The following FGD6 variants were observed in gnomAD, a reference collection of about 807,000 sequenced individuals.
FGD6 encodes FYVE, RhoGEF and PH domain containing 6.
FGD6 carries 90 observed loss-of-function variants against 149.4 expected under a neutral mutation model. The ratio of observed to expected loss-of-function variants is 0.60; its 90% CI spans 0.51 to 0.72. FGD6 has a LOEUF of 0.72. FGD6 is among the 30% of genes least tolerant of loss of function. The pLI is 0.00. For synonymous variants in FGD6, 527 were observed against 584.0 expected (o/e 0.90, Z 1.41); for missense variants, 1,437 against 1,684.8 (o/e 0.85, Z 2.57).
chr12:95,096,389 A>G (rs1282731026), intron 14 of FGD6, among the ~76,000 whole-genome samples: 2 of 152,234 alleles, frequency 1.3e-5, no homozygotes, highest in Middle Eastern at 3.2e-3. Context: ...AAAAAGGTAG[A>G]GATCCACTTT....
At chr12:95,159,625 CA>C (rs1162286637) in intron 3 of FGD6, among the ~76,000 whole-genome samples, 1 of 152,118 alleles carries the variant, frequency 6.6e-6, no homozygotes, top group East Asian at 1.9e-4. Flanking sequence ...ATTGCTTGAA[CA>C]CAGGAGTTCG....
Position 95,208,838 on chromosome 12 carries a change from G to C in FGD6, c.2441+5C>G. ...ATGCAAAAGTGTCTGTCTGGCACCT[G>C]TTACCTGGAATGCTGATGTCTGGGT... On this transcript the variant is annotated splice_donor_5th_base_variant and intron_variant, in intron 2 of 20. Coordinates refer to ENST00000343958, the MANE Select transcript of FGD6 (RefSeq NM_018351.4). 1.9e-6 allele frequency: 3 copies of C among 1,608,392 alleles called. No homozygotes were observed. Among genetic ancestry groups the C allele is most frequent in the Non-Finnish European group, 2.5e-6 (3 of 1,176,700 alleles).
intron 1 of FGD6, among the ~76,000 whole-genome samples, chr12:95,211,576 G>C (rs901882592): frequency 2.2e-5 from 3 of 138,978 alleles, no homozygotes; most frequent in African/African-American, 8.1e-5. Flanking sequence ...GTCTTGCCCT[G>C]TCGCCCAGGC....
At chr12:95,116,851 G>T (rs1315193926) in intron 8 of FGD6, 1 of 455,936 alleles carries the variant, frequency 2.2e-6, no homozygotes, top group South Asian at 1.5e-5. Context: ...GGCAAAGAGA[G>T]CAGGGCCTGG....
In FGD6 at chr12:95,209,657, G is replaced by A; in HGVS notation, c.1627C>T (p.His543Tyr). The A allele has an allele frequency of 6.2e-7, 1 of 1,613,278 alleles. No individual in the cohort carries two copies. The highest frequency in any genetic ancestry group is 8.5e-7 in the Non-Finnish European group (1 of 1,179,864). ...EKSLERNHLQ[H>Y]LCAQNRGVSS... ...ACACCACGGTTTTGGGCACACAAATGCTGAAGGTGATTTCTTTCTAGACTC... is the reference window on the plus strand; with the variant it reads ...ACACCACGGTTTTGGGCACACAAATACTGAAGGTGATTTCTTTCTAGACTC... Residue 543 changes from histidine (H) to tyrosine (Y), a missense_variant, in exon 2 of 21, where the codon CAT (histidine) becomes TAT (tyrosine). Around this residue, in one of 2 missense-constraint regions of FGD6, gnomAD observed 1,055 missense variants for 1,146.0 expected, o/e 0.92. Transcript: ENST00000343958.
At chr12:95,114,971 T>G (rs894468747) in intron 8 of FGD6, among the ~76,000 whole-genome samples, 5 of 152,148 alleles carry the variant, frequency 3.3e-5, no homozygotes, top group Non-Finnish European at 7.3e-5. Flanking sequence ...CTCCATCCCT[T>G]CCTCTGTCTC....
chr12:95,158,450 G>C (rs955760852), intron 3 of FGD6, among the ~76,000 whole-genome samples: 1 of 151,644 alleles, frequency 6.6e-6, no homozygotes, highest in African/African-American at 2.4e-5. Flanking sequence ...GCTGGGATTA[G>C]AGGCATGATC....
chr12:95,119,251 T>G (rs565385601), intron 8 of FGD6, among the ~76,000 whole-genome samples: 1 of 152,210 alleles, frequency 6.6e-6, no homozygotes. Context: ...TGAACCAGAA[T>G]GAAAACTGTA....
rs1183807229 is a variant in FGD6 at position 95,148,672 on chromosome 12, CAT to C, written c.2685+4137_2685+4138del. On this transcript the variant is annotated intron_variant, in intron 5 of 20. Transcript: ENST00000343958. ...ATATTATATATTATATAATACATAG[CAT>C]ATGTTATATTATATATATTATATAT... 2.8e-4 allele frequency among the ~76,000 whole-genome samples: 31 copies of C among 108,940 alleles called. 1 individual carries two copies. Among genetic ancestry groups the C allele is most frequent in the Non-Finnish European group, 3.9e-4 (23 of 58,894 alleles). The allele number at this position is 108,940 out of a possible 152,430, so 71.5% of individuals were successfully genotyped here.
intron 8 of FGD6, chr12:95,117,017 C>T (rs181222048): frequency 1.7e-4 from 72 of 428,140 alleles, no homozygotes; most frequent in African/African-American, 1.4e-3. Flanking sequence ...CAGACAGACA[C>T]GCCTATATTG....
In FGD6 at chr12:95,080,802, T is replaced by C. The variant is rs1877650079; in HGVS notation, c.*718A>G. 6.6e-6 allele frequency: 1 copy of C among 152,098 alleles called. No homozygotes were observed. The highest frequency in any genetic ancestry group is 2.1e-4 in the South Asian group (1 of 4,822). 9.4% of individuals were successfully genotyped at this position (152,098 alleles called of 1,614,324 possible). ...AGATTGGACTTAAAAGCCGGAAGAGTTGGTTATTTGTGGTATTCTGCAAAT... is the reference window on the plus strand; with the variant it reads ...AGATTGGACTTAAAAGCCGGAAGAGCTGGTTATTTGTGGTATTCTGCAAAT... On this transcript the variant is annotated 3_prime_UTR_variant, in exon 21 of 21. Transcript: ENST00000343958.
At chr12:95,143,280 T>C (rs1879907052) in intron 5 of FGD6, among the ~76,000 whole-genome samples, 1 of 61,202 alleles carries the variant, frequency 1.6e-5, no homozygotes, top group South Asian at 7.4e-4. Context: ...AACCATGAGG[T>C]TTGTTTTTTT....
chr12:95,149,126 T>G (rs541409153), intron 5 of FGD6, among the ~76,000 whole-genome samples: 2,014 of 58,440 alleles, frequency 0.034, 561 homozygotes, highest in Non-Finnish European at 0.047. Flanking sequence ...TATTATATAA[T>G]ATATAGCATA....
intron 2 of FGD6, among the ~76,000 whole-genome samples, chr12:95,174,653 G>T (rs1192470184): frequency 6.6e-6 from 1 of 152,184 alleles, no homozygotes; most frequent in East Asian, 1.9e-4. Flanking sequence ...ATTTGGCCAG[G>T]CGCGGTGGCT....
intron 3 of FGD6, among the ~76,000 whole-genome samples, chr12:95,170,337 T>C (rs539545900): frequency 1.5e-4 from 23 of 152,222 alleles, no homozygotes; most frequent in Non-Finnish European, 1.5e-4. Flanking sequence ...AGGTTCCTCT[T>C]ATCCTGTTAG....
intron 3 of FGD6, among the ~76,000 whole-genome samples, chr12:95,159,616 T>C (rs1020456612): frequency 3.3e-5 from 5 of 152,168 alleles, no homozygotes; most frequent in South Asian, 2.1e-4. Context: ...GGCAGGCAGA[T>C]TGCTTGAACA....
At chr12:95,105,509 T>C (rs1878582603) in intron 13 of FGD6, among the ~76,000 whole-genome samples, 1 of 152,246 alleles carries the variant, frequency 6.6e-6, no homozygotes, top group Non-Finnish European at 1.5e-5. Context: ...TTTATAGTGA[T>C]ATTTATTACT....
chr12:95,121,727 C>T (rs1304301001), intron 8 of FGD6, among the ~76,000 whole-genome samples: 1 of 151,836 alleles, frequency 6.6e-6, no homozygotes, highest in African/African-American at 2.4e-5. Flanking sequence ...ATGATCTTGG[C>T]TCACTGCAAT....
At position 95,137,655 on chromosome 12, in the gene FGD6, T is replaced by A. The variant is rs200945579; in HGVS notation, c.2861A>T (p.Asp954Val). The part of the protein sequence containing the change: ...LHWTEQQRIA[D>V]IFVKKGPYLK... ...ATATGGTCCCTTCTTTACAAAGATA[T>A]CAGCAATTCTTTGTTGTTCAGTCCT... Residue 954 changes from aspartate to valine, a missense_variant, in exon 7 of 21, where the codon GAT becomes GTT. This residue lies in a region of FGD6 where 1,055 missense variants were observed against 1,146.0 expected (regional missense o/e 0.92). Transcript: ENST00000343958. 1.9e-6 allele frequency: 3 copies of A among 1,603,434 alleles called. No individual in the cohort carries two copies. The highest frequency in any genetic ancestry group is 2.5e-6 in the Non-Finnish European group (3 of 1,176,514).
Sources: gnomAD v4.1 joint callset for allele counts (sites outside exome capture counted in the v4.1 genomes callset) on GRCh38, gnomAD v4.1.1 for gene constraint, gnomAD v4.1.1 regional missense constraint, MANE v1.5 for transcripts, NCBI Gene and HGNC (gene_info 2026-07-23, HGNC 2026-07-21) for gene names.